The following ZNF726 variants were observed in gnomAD, a reference collection of about 807,000 sequenced individuals.
The protein encoded by ZNF726 is zinc finger protein 726, also known as zinc finger protein 92 pseudogene 3.
A neutral mutation model predicts 11.6 loss-of-function variants in ZNF726; 15 were observed. The ratio of observed to expected loss-of-function variants is 1.29; its 90% CI spans 0.86 to 1.99. The LOEUF is 1.99. Among genes scored for constraint, ZNF726 ranks in the 30% most tolerant of loss-of-function variants. ZNF726 has a pLI of 0.00. For missense variants in ZNF726, 890 were observed against 725.6 expected, an observed-to-expected ratio of 1.23 and a Z score of -2.60; for synonymous variants, 295 against 243.6, an observed-to-expected ratio of 1.21 and a Z score of -1.96.
At chr19:23,936,202 T>A (rs1203417790), downstream of ZNF726, 1 of 152,232 alleles carries the variant, frequency 6.6e-6, no homozygotes, top group African/African-American at 2.4e-5. Context: ...AATCCAAAAT[T>A]AAGTCTATGT....
downstream of ZNF726, among the ~76,000 whole-genome samples, chr19:23,936,623 G>T (rs913729882): frequency 6.6e-6 from 1 of 152,096 alleles, no homozygotes; most frequent in Middle Eastern, 3.4e-3. Context: ...AAGTAGAGAG[G>T]CTCTTTGGGT....
chr19:23,926,983 A>T (rs993775761), intron 3 of ZNF726, among the ~76,000 whole-genome samples: 6 of 152,120 alleles, frequency 3.9e-5, no homozygotes, highest in African/African-American at 1.4e-4. Flanking sequence ...TTATATAAAA[A>T]TTATTATTTT....
At chr19:23,941,967 T>G (rs913902303) in intron 3 of ZNF726, among the ~76,000 whole-genome samples, 5 of 152,124 alleles carry the variant, frequency 3.3e-5, no homozygotes, top group Non-Finnish European at 7.4e-5. Context: ...TTAATTTCAA[T>G]TAGTTATGTT....
intron 3 of ZNF726, among the ~76,000 whole-genome samples, chr19:23,925,820 G>A (rs1967973850): frequency 6.7e-6 from 1 of 149,846 alleles, no homozygotes. Context: ...GGGTTCAAGC[G>A]ATTCTCCCAC....
chr19:23,923,922 G>C (rs921699375), intron 3 of ZNF726: 2 of 152,094 alleles, frequency 1.3e-5, no homozygotes, highest in African/African-American at 4.8e-5. Context: ...AGTTAATGTG[G>C]AGTTTAATTA....
chr19:23,933,667 A>G lies in ZNF726; in HGVS notation c.1551A>G (p.Ala517=), dbSNP rs765385073. The G allele has an allele frequency of 4.3e-6, 7 of 1,611,866 alleles. No individual in the cohort carries two copies. The African/African-American group carries it at 5.4e-5, about 12-fold the overall frequency. ...ACAAATGTGAAGAATGTGGCAAAGCATTTATATTGTCCTCGACCCTATCTA... is the reference window on the plus strand; with the variant it reads ...ACAAATGTGAAGAATGTGGCAAAGCGTTTATATTGTCCTCGACCCTATCTA... ...KPYKCEECGK[A]FILSSTLSKH... Residue 517 remains alanine (A), a synonymous_variant, in exon 4 of 4, where the codon GCA becomes GCG. Coordinates refer to ENST00000594466, the MANE Select transcript of ZNF726 (RefSeq NM_001244038.2).
chr19:23,933,350 C>T lies in ZNF726; in HGVS notation c.1234C>T (p.Leu412Phe). ...CAAAGCTTTTCATCGATCCTCAAAT[C>T]TTACTAAACATAAGATAATTCATAC... ...CGKAFHRSSNLTKHKIIHTGE... is the reference protein window; with the variant it reads ...CGKAFHRSSNFTKHKIIHTGE... The change falls in exon 4 of 4, where the codon CTT becomes TTT. Residue 412 changes from leucine (L) to phenylalanine (F), a missense_variant. Coordinates refer to ENST00000594466, the MANE Select transcript of ZNF726 (RefSeq NM_001244038.2). The T allele has an allele frequency of 1.2e-6, 2 of 1,612,932 alleles. No individual in the cohort carries two copies. The highest frequency in any genetic ancestry group is 1.7e-6 in the Non-Finnish European group (2 of 1,179,812).
chr19:23,928,333 T>G (rs1208513448), intron 3 of ZNF726: 1 of 152,224 alleles, frequency 6.6e-6, no homozygotes, highest in Non-Finnish European at 1.5e-5. Context: ...TATAATGTTG[T>G]CTAGGTTTTC....
At chr19:23,922,499 C>T (rs1232616226) in intron 3 of ZNF726, among the ~76,000 whole-genome samples, 1 of 152,170 alleles carries the variant, frequency 6.6e-6, no homozygotes, top group African/African-American at 2.4e-5. Flanking sequence ...CCCATTGGCT[C>T]CCAAGACTGT....
At chr19:23,915,052 G>A in intron 1 of ZNF726, 55 bp downstream of exon 1, 2 of 1,613,432 alleles carry the variant, frequency 1.2e-6, no homozygotes, top group Non-Finnish European at 1.7e-6. Flanking sequence ...GCTGGAACCG[G>A]TGGGAAGCGG....
In ZNF726 at chr19:23,920,204, A is replaced by G. The variant is rs140971576; in HGVS notation, c.226+122A>G. ...GGAAACCGTTTCTGGAAAGCCTGAA[A>G]TTTAAAAAAAAATATACTCTCAGAT... is the stretch of plus-strand genomic sequence containing the variant. On this transcript the variant is annotated intron_variant, in intron 3 of 3. Transcript: ENST00000594466. 5,750 of 603,406 alleles carry G rather than the reference A, an allele frequency of 9.5e-3. 42 individuals are homozygous for G. The highest frequency in any genetic ancestry group is 0.038 in the Middle Eastern group (127 of 3,376). The allele number at this position is 603,406 out of a possible 1,614,324, so 37.4% of individuals were successfully genotyped here.
rs554809885 is a variant in ZNF726 at position 23,933,103 on chromosome 19, T to C, written c.987T>C (p.Thr329=). Residue 329 remains threonine (T), a synonymous_variant, in exon 4 of 4, where the codon ACT becomes ACC. Coordinates refer to ENST00000594466, the MANE Select transcript of ZNF726 (RefSeq NM_001244038.2). The part of the protein sequence containing the change: ...GKAFVWSSTL[T]RHKRLHSGEK... Reference sequence around the variant, plus strand: ...CATTTGTTTGGTCCTCAACCCTAACTAGACATAAGAGGCTGCACAGTGGAG... The same window carrying C: ...CATTTGTTTGGTCCTCAACCCTAACCAGACATAAGAGGCTGCACAGTGGAG... 104 of 1,612,120 alleles carry C rather than the reference T, an allele frequency of 6.5e-5. No individual in the cohort carries two copies. In the East Asian group the frequency reaches 2.3e-3, roughly 35 times the overall value.
At chr19:23,936,652 G>A (rs1409537339), downstream of ZNF726, among the ~76,000 whole-genome samples, 1 of 151,900 alleles carries the variant, frequency 6.6e-6, no homozygotes, top group Non-Finnish European at 1.5e-5. Context: ...AATGTTGAGT[G>A]ATGCATGAGG....
chr19:23,918,209 C>G (rs546123549), intron 1 of ZNF726, among the ~76,000 whole-genome samples: 9 of 152,066 alleles, frequency 5.9e-5, no homozygotes, highest in South Asian at 2.1e-4. Flanking sequence ...AGGGGGAACA[C>G]AGAGAGTAAG....
intron 3 of ZNF726, among the ~76,000 whole-genome samples, chr19:23,941,172 A>G (rs1296097609): frequency 6.6e-6 from 1 of 152,150 alleles, no homozygotes; most frequent in Non-Finnish European, 1.5e-5. Context: ...AACTTTGCTG[A>G]GAGTTTTAAT....
At chr19:23,923,634 G>C (rs371862205) in intron 3 of ZNF726, 1 of 174,018 alleles carries the variant, frequency 5.7e-6, no homozygotes, top group Non-Finnish European at 1.2e-5. Flanking sequence ...TCCTGATCTC[G>C]TGATCTGCCC....
At chr19:23,928,982 T>G (rs1294105069) in intron 3 of ZNF726, 1 of 152,006 alleles carries the variant, frequency 6.6e-6, no homozygotes, top group Non-Finnish European at 1.5e-5. Flanking sequence ...GTATTTATGG[T>G]TGAGACAGTT....
chr19:23,932,156 A>G (rs1325407117), intron 3 of ZNF726, among the ~76,000 whole-genome samples, 187 bp from the exon 4 acceptor site: 1 of 152,094 alleles, frequency 6.6e-6, no homozygotes, highest in Non-Finnish European at 1.5e-5. Flanking sequence ...ATCTGTGAAC[A>G]TTTCCCACAG....
chr19:23,931,588 AC>A (rs2144986462), intron 3 of ZNF726, among the ~76,000 whole-genome samples: 1 of 152,248 alleles, frequency 6.6e-6, no homozygotes, highest in Non-Finnish European at 1.5e-5. Flanking sequence ...TCAGTTTTTT[AC>A]ATTAGAAAAA....
Sources: allele counts gnomAD v4.1 joint callset (sites outside exome capture counted in the v4.1 genomes callset), GRCh38; gene constraint gnomAD v4.1.1; transcripts MANE v1.5; gene names NCBI Gene and HGNC (gene_info 2026-07-23, HGNC 2026-07-21).